RSU1: variants seen among roughly 807,000 people sequenced by gnomAD.
RSU1 encodes rsu-1.
A neutral mutation model predicts 31.1 loss-of-function variants in RSU1; 26 were observed. The ratio of observed to expected loss-of-function variants is 0.84; its 90% CI spans 0.61 to 1.16. The LOEUF (loss-of-function observed/expected upper bound fraction) is 1.16. Ranked by LOEUF, RSU1 falls within the 50% of genes most tolerant of loss-of-function variation. The probability of loss-of-function intolerance (pLI) is 0.00; values close to 1 mark genes in which losing one functional copy is unlikely to be tolerated. For missense variants in RSU1, 320 were observed against 339.1 expected, an observed-to-expected ratio of 0.94 and a Z score of 0.44; for synonymous variants, 164 against 136.3, an observed-to-expected ratio of 1.20 and a Z score of -1.41.
At chr10:16,814,545 T>G (rs1838486656) in intron 2 of RSU1, among the ~76,000 whole-genome samples, 1 of 152,090 alleles carries the variant, frequency 6.6e-6, no homozygotes, top group Non-Finnish European at 1.5e-5. Context: ...AAGCACTGTG[T>G]CAGTGTGTGT....
chr10:16,607,268 G>A (rs371187134), intron 8 of RSU1, among the ~76,000 whole-genome samples: 11 of 152,192 alleles, frequency 7.2e-5, no homozygotes, highest in South Asian at 2.1e-4. Context: ...AGCATAAGCC[G>A]CCATGCTTCC....
chr10:16,806,301 A>C (rs1838265484), intron 2 of RSU1, among the ~76,000 whole-genome samples: 1 of 152,178 alleles, frequency 6.6e-6, no homozygotes, highest in African/African-American at 2.4e-5. Context: ...ATGCTCGCTG[A>C]ATTAGCCGTT....
intron 8 of RSU1, among the ~76,000 whole-genome samples, chr10:16,658,143 C>G (rs1186280949): frequency 1.3e-5 from 2 of 152,118 alleles, no homozygotes; most frequent in African/African-American, 4.8e-5. Context: ...GTGCCTTTTC[C>G]TTTATTCCAA....
intron 8 of RSU1, among the ~76,000 whole-genome samples, chr10:16,614,577 T>C (rs1203976727): frequency 1.3e-5 from 2 of 152,208 alleles, no homozygotes; most frequent in Admixed American, 6.5e-5. Flanking sequence ...GATGTGATTA[T>C]TACACATTGC....
At chr10:16,702,500 T>C (rs527595316) in intron 7 of RSU1, among the ~76,000 whole-genome samples, 13 of 152,296 alleles carry the variant, frequency 8.5e-5, no homozygotes, top group Admixed American at 7.2e-4. Context: ...TCTCTTGAAT[T>C]AGAGTGCCCT....
At chr10:16,801,836 C>T (rs888445405) in intron 2 of RSU1, among the ~76,000 whole-genome samples, 15 of 151,788 alleles carry the variant, frequency 9.9e-5, no homozygotes, top group East Asian at 3.9e-4. Context: ...TAAATGAAAA[C>T]GAAAATACTA....
At chr10:16,613,705 A>C (rs542542739) in intron 8 of RSU1, among the ~76,000 whole-genome samples, 1 of 152,302 alleles carries the variant, frequency 6.6e-6, no homozygotes, top group East Asian at 1.9e-4. Flanking sequence ...GGCATGTTGC[A>C]GTAATGCTAT....
intron 8 of RSU1, among the ~76,000 whole-genome samples, chr10:16,595,126 A>C (rs1179103928): frequency 6.6e-6 from 1 of 152,144 alleles, no homozygotes; most frequent in African/African-American, 2.4e-5. Context: ...TAGGTTGCCC[A>C]GGCTGGTGTT....
At chr10:16,614,114 A>C (rs900406033) in intron 8 of RSU1, among the ~76,000 whole-genome samples, 1 of 152,228 alleles carries the variant, frequency 6.6e-6, no homozygotes, top group Non-Finnish European at 1.5e-5. Flanking sequence ...CAAGAAGTAC[A>C]AAGTAGGTAA....
At chr10:16,709,695 G>A (rs1835978760) in intron 7 of RSU1, among the ~76,000 whole-genome samples, 1 of 152,146 alleles carries the variant, frequency 6.6e-6, no homozygotes. Context: ...ATTCTAACTG[G>A]TGTGAGATGG....
At chr10:16,759,707 A>T (rs796184673) in intron 4 of RSU1, among the ~76,000 whole-genome samples, 11 of 152,328 alleles carry the variant, frequency 7.2e-5, no homozygotes, top group African/African-American at 2.6e-4. Context: ...ACATCAACCT[A>T]TGTGGCTTCA....
At chr10:16,788,726 A>C (rs967250579) in intron 2 of RSU1, among the ~76,000 whole-genome samples, 6 of 152,244 alleles carry the variant, frequency 3.9e-5, no homozygotes, top group African/African-American at 1.4e-4. Flanking sequence ...TCTCAGGAAA[A>C]AGGAAAGGAT....
intron 3 of RSU1, among the ~76,000 whole-genome samples, chr10:16,776,743 T>A (rs115022441): frequency 0.023 from 3,520 of 151,378 alleles, 141 homozygotes; most frequent in African/African-American, 0.082. Context: ...CAAAAAGATA[T>A]CCTTGGTTAT....
intron 8 of RSU1, among the ~76,000 whole-genome samples, chr10:16,614,872 A>G (rs777502077): frequency 6.6e-6 from 1 of 152,208 alleles, no homozygotes; most frequent in Non-Finnish European, 1.5e-5. Context: ...GCCTTACAAG[A>G]GCTCCTGAGG....
chr10:16,812,635 T>C (rs555943885), intron 2 of RSU1, among the ~76,000 whole-genome samples: 29 of 152,280 alleles, frequency 1.9e-4, no homozygotes, highest in Non-Finnish European at 3.4e-4. Flanking sequence ...TTATTTTGCC[T>C]GGTCCTTTAG....
chr10:16,774,145 G>T (rs926536196), intron 3 of RSU1, among the ~76,000 whole-genome samples: 1 of 151,106 alleles, frequency 6.6e-6, no homozygotes, highest in African/African-American at 2.4e-5. Flanking sequence ...CACACGTTCT[G>T]TTCAACCCTG....
At chr10:16,664,046 G>A (rs529990360) in intron 8 of RSU1, among the ~76,000 whole-genome samples, 5 of 152,208 alleles carry the variant, frequency 3.3e-5, no homozygotes, top group African/African-American at 4.8e-5. Context: ...ATGACTCCAC[G>A]AACACTGTTT....
chr10:16,689,633 C>A (rs912080767), intron 8 of RSU1, among the ~76,000 whole-genome samples: 55 of 152,178 alleles, frequency 3.6e-4, no homozygotes, highest in African/African-American at 1.3e-3. Flanking sequence ...GGCTAGATTT[C>A]TAATAAAGAG....
At chr10:16,785,499 T>TATACAC (rs1384184897) in intron 2 of RSU1, among the ~76,000 whole-genome samples, 6 of 123,076 alleles carry the variant, frequency 4.9e-5, no homozygotes, top group African/African-American at 2.2e-4. Context: ...CATATATATA[T>TATACAC]ACACATATAT....
Sources: allele counts gnomAD v4.1 joint callset (sites outside exome capture counted in the v4.1 genomes callset), GRCh38; gene constraint gnomAD v4.1.1; transcripts MANE v1.5; gene names NCBI Gene and HGNC (gene_info 2026-07-23, HGNC 2026-07-21).